Variants in TRPV6 observed in about 807,000 individuals in gnomAD.
The protein encoded by TRPV6 is transient receptor potential cation channel subfamily V member 6.
In TRPV6, 39 loss-of-function variants were observed where a neutral mutation model predicts 79.0. The ratio of observed to expected loss-of-function variants is 0.49; its 90% CI spans 0.38 to 0.64. TRPV6 has a LOEUF of 0.64. Among genes scored for constraint, TRPV6 ranks in the 30% least tolerant of loss-of-function variants. The pLI, the probability that TRPV6 is intolerant of heterozygous loss-of-function variation, is 0.00. For missense variants in TRPV6, 813 were observed against 1,011.1 expected (o/e 0.80, Z 2.66); for synonymous variants, 373 against 391.9 (o/e 0.95, Z 0.57).
intron 1 of TRPV6, chr7:142,884,308 A>C (rs1332230483): frequency 1.3e-5 from 2 of 152,444 alleles, no homozygotes; most frequent in Admixed American, 1.3e-4. Flanking sequence ...AAAAGAAAAC[A>C]CAGGGGCCTC....
chr7:142,885,340 G>C, intron 1 of TRPV6, 49 bp downstream of exon 1: 2 of 1,557,162 alleles, frequency 1.3e-6, no homozygotes, highest in African/African-American at 1.4e-5. Flanking sequence ...GAGGGGTAGA[G>C]GTGCAGGCCT....
chr7:142,873,499 G>T lies in TRPV6; in HGVS notation c.1857C>A (p.Gly619=). 1 of 1,614,132 alleles carries T rather than the reference G, an allele frequency of 6.2e-7. No individual in the cohort carries two copies. Among genetic ancestry groups the T allele is most frequent in the Non-Finnish European group, 8.5e-7 (1 of 1,180,022 alleles). ...CATGGGCCACTCGCCAGTGAGTGTC[G>T]CCCATCATGGCAATGAGGAGGTTGA... The change falls in exon 13 of 15, where the codon GGC becomes GGA. Residue 619 remains glycine (G), a synonymous_variant. Transcript: ENST00000359396. The surrounding 1 kb of genome is among the most constrained non-coding windows in gnomAD (Gnocchi z 4.8).
Position 142,871,733 on chromosome 7 carries a change from C to A in TRPV6, c.2272G>T (p.Gly758Trp). 1 of 1,607,068 alleles carries A rather than the reference C, an allele frequency of 6.2e-7. No homozygotes were observed. The change falls in exon 15 of 15, where the codon GGG becomes TGG. Residue 758 changes from glycine to tryptophan, a missense_variant. Around this residue, in one of 3 missense-constraint regions of TRPV6, gnomAD observed 164 missense variants for 186.1 expected, o/e 0.88. Coordinates refer to ENST00000359396, the MANE Select transcript of TRPV6 (RefSeq NM_018646.6). ...CAGATCTGATATTCCCAGCTCTCCC[C>A]GTCCTCCAGACCCCTGTTGATTATC...
Position 142,874,697 on chromosome 7 carries a change from A to G in TRPV6, c.1407-41T>C, listed in dbSNP as rs1278778027. On this transcript the variant is annotated intron_variant, in intron 10 of 14. Coordinates refer to ENST00000359396, the MANE Select transcript of TRPV6 (RefSeq NM_018646.6). ...GGAGGGTGATGAGGGGAGGGCTGGG[A>G]TGATCCTGGGGACCTGACAGCAAGA... 3.8e-6 allele frequency: 6 copies of G among 1,598,140 alleles called. No homozygotes were observed. The South Asian group carries it at 5.6e-5, about 15-fold the overall frequency.
chr7:142,880,147 G>A (rs551457313), intron 1 of TRPV6: 1 of 152,292 alleles, frequency 6.6e-6, no homozygotes, highest in African/African-American at 2.4e-5. Context: ...AAGCATATAA[G>A]TGAAAAATAG....
intron 3 of TRPV6, 93 bp from the exon 4 acceptor site, chr7:142,877,372 T>C: frequency 1.3e-6 from 2 of 1,557,120 alleles, no homozygotes; most frequent in Admixed American, 1.8e-5. Context: ...CCCTCAGGGG[T>C]AGCCTGGGAT....
At position 142,873,922 on chromosome 7, in the gene TRPV6, T is replaced by C. The variant is rs1586186340; in HGVS notation, c.1639+154A>G. 2.8e-6 allele frequency: 3 copies of C among 1,090,720 alleles called. No individual in the cohort carries two copies. The highest frequency in any genetic ancestry group is 1.6e-5 in the African/African-American group (1 of 63,340). 67.6% of individuals were successfully genotyped at this position (1,090,720 alleles called of 1,614,324 possible). On this transcript the variant is annotated intron_variant, in intron 12 of 14. Transcript: ENST00000359396. The surrounding 1 kb of genome is among the most constrained non-coding windows in gnomAD (Gnocchi z 4.8). ...CCACCTCTCCCTAACACTCCCGATT[T>C]TTCTCACCTCTGGAGGACGTCCCAT...
rs1173696201 is a variant in TRPV6 at position 142,877,257 on chromosome 7, A to G, written c.492T>C (p.Ala164=). Residue 164 remains alanine (A), a synonymous_variant, in exon 4 of 15, where the codon GCT becomes GCC. Coordinates refer to ENST00000359396, the MANE Select transcript of TRPV6 (RefSeq NM_018646.6). ...CCAGGTTCATGTTCTGGTTCACAAC[A>G]GCGATGTGCAGTGCAGTCTGACCTG... The G allele has an allele frequency of 6.2e-7, 1 of 1,614,082 alleles. No homozygotes were observed. Among genetic ancestry groups the G allele is most frequent in the African/African-American group, 1.3e-5 (1 of 74,940 alleles).
intron 1 of TRPV6, chr7:142,884,435 C>G (rs1166895640): frequency 6.6e-6 from 1 of 152,314 alleles, no homozygotes; most frequent in Non-Finnish European, 1.5e-5. Flanking sequence ...TCCTTCGTGA[C>G]CCAGGGAAAG....
chr7:142,874,217 T>G, intron 11 of TRPV6, 75 bp from the exon 12 acceptor site: 1 of 1,508,390 alleles, frequency 6.6e-7, no homozygotes, highest in Non-Finnish European at 9.1e-7. Context: ...CTAACAGGTC[T>G]CACCCCGACA....
Position 142,871,216 on chromosome 7 carries a change from G to A in TRPV6, c.*491C>T, listed in dbSNP as rs929248079. The A allele has an allele frequency of 7.2e-5, 39 of 545,444 alleles. No individual in the cohort carries two copies. Among genetic ancestry groups the A allele is most frequent in the Admixed American group, 1.6e-4 (5 of 32,174 alleles). The allele number at this position is 545,444 out of a possible 1,614,324, so 33.8% of individuals were successfully genotyped here. A position where few individuals can be genotyped will look rare whatever the true frequency, so the allele number is the denominator to read the frequency against. ...CAGAAGGGCAGCTGGGCAGGGATCC[G>A]AAAACGACTTTATTGAAGATGGAGT... On this transcript the variant is annotated 3_prime_UTR_variant, in exon 15 of 15. Coordinates refer to ENST00000359396, the MANE Select transcript of TRPV6 (RefSeq NM_018646.6).
chr7:142,878,281 T>C (rs1795121673), intron 1 of TRPV6: 2 of 552,650 alleles, frequency 3.6e-6, no homozygotes, highest in Non-Finnish European at 6.5e-6. Flanking sequence ...TACCGGGTCC[T>C]GGGACCAGAA....
In TRPV6 at chr7:142,877,645, C is replaced by T. The variant is rs750215352; in HGVS notation, c.469+6G>A. The T allele has an allele frequency of 6.6e-5, 106 of 1,613,878 alleles. No individual in the cohort carries two copies. Among genetic ancestry groups the T allele is most frequent in the Middle Eastern group, 1.7e-4 (1 of 6,060 alleles). On this transcript the variant is annotated splice_donor_region_variant and intron_variant, in intron 3 of 14. Transcript: ENST00000359396. ...TGCTCTTCACCCCAGACCCGTGGGC[C>T]CTCACCCTCATAGAGCTCAGATGTC...
Position 142,875,780 on chromosome 7 carries a change from A to G in TRPV6, c.1007T>C (p.Ile336Thr), listed in dbSNP as rs1795053290. The G allele has an allele frequency of 6.2e-7, 1 of 1,606,246 alleles. No individual in the cohort carries two copies. The highest frequency in any genetic ancestry group is 8.5e-7 in the Non-Finnish European group (1 of 1,175,908). The change falls in exon 7 of 15, where the codon ATC becomes ACC. Residue 336 changes from isoleucine (I) to threonine (T), a missense_variant. Transcript: ENST00000359396. ...TACCTCCCGCTTCTTGGTGGTGATG[A>G]TAAGTTCCAGCAGGGACTGCTCATC...
At position 142,873,829 on chromosome 7, in the gene TRPV6, T is replaced by G; in HGVS notation, c.1640-113A>C. The G allele has an allele frequency of 6.9e-7, 1 of 1,454,588 alleles. No homozygotes were observed. The highest frequency in any genetic ancestry group is 1.3e-5 in the South Asian group (1 of 78,774). The allele number at this position is 1,454,588 out of a possible 1,614,324, so 90.1% of individuals were successfully genotyped here. On this transcript the variant is annotated intron_variant, in intron 12 of 14. Coordinates refer to ENST00000359396, the MANE Select transcript of TRPV6 (RefSeq NM_018646.6). The surrounding 1 kb of genome is among the most constrained non-coding windows in gnomAD (Gnocchi z 4.8). Reference sequence around the variant, plus strand: ...CCCTTCATCTCAATATCACCAGCTCTGCAGTGCTCCAAACTTTGGGTTTTT... The same window carrying G: ...CCCTTCATCTCAATATCACCAGCTCGGCAGTGCTCCAAACTTTGGGTTTTT...
At position 142,873,665 on chromosome 7, in the gene TRPV6, T is replaced by C. The variant is rs759092198; in HGVS notation, c.1691A>G (p.Tyr564Cys). ...GCTGAACAGGGCCATGGGGTAGTCG[T>C]AGAAGTGGCCTAGCTCCTCGGGGTC... Residue 564 changes from tyrosine (Y) to cysteine (C), a missense_variant, in exon 13 of 15, where the codon TAC becomes TGC. Physicochemically the swap from Tyr to Cys is radical, Grantham distance 194. Coordinates refer to ENST00000359396, the MANE Select transcript of TRPV6 (RefSeq NM_018646.6). This position sits in a 1 kb window ranked among gnomAD's most constrained non-coding sequence, Gnocchi z 4.8. The C allele has an allele frequency of 2.7e-5, 44 of 1,614,042 alleles. No homozygotes were observed. Among genetic ancestry groups the C allele is most frequent in the Non-Finnish European group, 3.1e-5 (37 of 1,180,042 alleles).
Position 142,871,525 on chromosome 7 carries a change from A to C in TRPV6, c.*182T>G. 1 of 752,918 alleles carries C rather than the reference A, an allele frequency of 1.3e-6. No homozygotes were observed. Among genetic ancestry groups the C allele is most frequent in the South Asian group, 2.0e-5 (1 of 49,408 alleles). The allele number at this position is 752,918 out of a possible 1,614,324, so 46.6% of individuals were successfully genotyped here. Reference sequence around the variant, plus strand: ...TTGGGCTGGGCTTCCTCTGCCCCAGAGCTGAAGGAGTAATGCAGGCCTGGA... The same window carrying C: ...TTGGGCTGGGCTTCCTCTGCCCCAGCGCTGAAGGAGTAATGCAGGCCTGGA... On this transcript the variant is annotated 3_prime_UTR_variant, in exon 15 of 15. Coordinates refer to ENST00000359396, the MANE Select transcript of TRPV6 (RefSeq NM_018646.6).
In TRPV6 at chr7:142,876,561, G is replaced by A; in HGVS notation, c.729C>T (p.Leu243=). 6.2e-7 allele frequency: 1 copy of A among 1,614,154 alleles called. No individual in the cohort carries two copies. Among genetic ancestry groups the A allele is most frequent in the Non-Finnish European group, 8.5e-7 (1 of 1,180,014 alleles). The change falls in exon 6 of 15, where the codon CTC becomes CTT. Residue 243 remains leucine (L), a synonymous_variant. Coordinates refer to ENST00000359396, the MANE Select transcript of TRPV6 (RefSeq NM_018646.6). ...CAAAGGTTTTGTTGGGCTGGAGGAT[G>A]AGGATGTGTAACACTGTGTTTCCTG...
chr7:142,881,001 C>G (rs1242469466), intron 1 of TRPV6: 1 of 152,228 alleles, frequency 6.6e-6, no homozygotes, highest in East Asian at 1.9e-4. Flanking sequence ...ACTGTGAACT[C>G]CAGACTCCAG....
Sources: gnomAD v4.1 joint callset for allele counts on GRCh38, gnomAD v4.1.1 for gene constraint, gnomAD v4.1.1 regional missense constraint, Gnocchi (gnomAD v3.1) non-coding constraint, MANE v1.5 for transcripts, NCBI Gene and HGNC (gene_info 2026-07-23, HGNC 2026-07-21) for gene names.